The following CHIC2 variants were observed in gnomAD, a reference collection of about 807,000 sequenced individuals.
CHIC2 encodes the protein cysteine-rich hydrophobic domain-containing protein 2.
Under a neutral mutation model 25.9 loss-of-function variants are expected in CHIC2, and 14 were observed. The ratio of observed to expected loss-of-function variants is 0.54; its 90% CI spans 0.36 to 0.85. The LOEUF is 0.85. Among genes scored for constraint, CHIC2 ranks in the 40% least tolerant of loss-of-function variants. The pLI, the probability that CHIC2 is intolerant of heterozygous loss-of-function variation, is 0.01. For missense variants in CHIC2, 146 were observed against 202.0 expected (o/e 0.72, Z 1.68); for synonymous variants, 70 against 72.0 (o/e 0.97, Z 0.14).
At chr4:54,078,197 A>G in the CHIC2 span, among the ~76,000 whole-genome samples, 2 of 152,308 alleles carry the variant, frequency 1.3e-5, no homozygotes, top group Non-Finnish European at 1.5e-5. Context: ...ACCCTCATGT[A>G]TATGTGAGAT....
intron 3 of CHIC2, among the ~76,000 whole-genome samples, chr4:54,040,178 T>C (rs1013105848): frequency 6.6e-6 from 1 of 152,224 alleles, no homozygotes; most frequent in East Asian, 1.9e-4. Flanking sequence ...CAGAACTGTT[T>C]ATAAAAATTT....
chr4:54,047,438 G>A (rs1411554632), intron 3 of CHIC2, among the ~76,000 whole-genome samples: 2 of 152,052 alleles, frequency 1.3e-5, no homozygotes, highest in East Asian at 1.9e-4. Context: ...AGAAAATGTG[G>A]CACATATACA....
At chr4:54,068,992 C>G (rs1239890643), upstream of CHIC2, among the ~76,000 whole-genome samples, 1 of 152,200 alleles carries the variant, frequency 6.6e-6, no homozygotes, top group Non-Finnish European at 1.5e-5. Flanking sequence ...TATTTCATTT[C>G]ATTTCATTTC....
intron 3 of CHIC2, among the ~76,000 whole-genome samples, chr4:54,032,678 G>T (rs1248061948): frequency 6.6e-6 from 1 of 152,158 alleles, no homozygotes; most frequent in African/African-American, 2.4e-5. Flanking sequence ...AGCATAAGCT[G>T]CATGAATAAA....
the CHIC2 span, chr4:54,087,181 T>C: frequency 4.2e-6 from 3 of 719,676 alleles, no homozygotes; most frequent in Non-Finnish European, 7.6e-6. Flanking sequence ...GAAACAGATA[T>C]GGGGGCAGTA....
Position 54,064,550 on chromosome 4 carries a change from C to T in CHIC2, c.-250G>A, listed in dbSNP as rs913491991. 4.5e-6 allele frequency: 6 copies of T among 1,340,594 alleles called. No individual in the cohort carries two copies. In the African/African-American group the frequency reaches 7.7e-5, roughly 17 times the overall value. 83.0% of individuals were successfully genotyped at this position (1,340,594 alleles called of 1,614,324 possible). On this transcript the variant is annotated 5_prime_UTR_variant, in exon 1 of 6. In the 5' UTR this introduces an upstream ATG that the reference lacks. Transcript: ENST00000263921. The surrounding 1 kb of genome is among the most constrained non-coding windows in gnomAD (Gnocchi z 4.2). ...GTCAACATCCGCCCAGAGGCCGACACCTCCACAAGCACAGACGCCGCTGCC... is the reference window on the plus strand; with the variant it reads ...GTCAACATCCGCCCAGAGGCCGACATCTCCACAAGCACAGACGCCGCTGCC...
chr4:54,053,144 A>G (rs1717058733), intron 1 of CHIC2, among the ~76,000 whole-genome samples: 1 of 152,208 alleles, frequency 6.6e-6, no homozygotes. Flanking sequence ...CAATGGAGGA[A>G]AATGTTGAAG....
At chr4:54,016,229 ATTAC>A (rs565251845) in intron 3 of CHIC2, among the ~76,000 whole-genome samples, 4 of 152,144 alleles carry the variant, frequency 2.6e-5, no homozygotes, top group Admixed American at 6.6e-5. Flanking sequence ...GCAAATACTT[ATTAC>A]TTAAAGAAAA....
At chr4:54,086,710 C>T in the CHIC2 span, among the ~76,000 whole-genome samples, 1 of 152,176 alleles carries the variant, frequency 6.6e-6, no homozygotes, top group African/African-American at 2.4e-5. Flanking sequence ...TCTGGATTCT[C>T]ATTTCAGGTC....
intron 5 of CHIC2, among the ~76,000 whole-genome samples, chr4:54,013,426 G>A (rs942600053): frequency 6.6e-6 from 1 of 152,050 alleles, no homozygotes; most frequent in African/African-American, 2.4e-5. Flanking sequence ...AAAGGGTAAA[G>A]GTTTCTTAAG....
intron 3 of CHIC2, among the ~76,000 whole-genome samples, chr4:54,043,443 A>T (rs2110080276): frequency 6.6e-6 from 1 of 151,820 alleles, no homozygotes; most frequent in African/African-American, 2.4e-5. Context: ...AAAAAAAGAA[A>T]CACTTGATCA....
In CHIC2 at chr4:54,014,100, T is replaced by C; in HGVS notation, c.350A>G (p.Lys117Arg). Residue 117 changes from lysine to arginine, a missense_variant, in exon 4 of 6, where the codon AAG (lysine) becomes AGG (arginine). Physicochemically the swap from Lys to Arg is conservative, Grantham distance 26. Coordinates refer to ENST00000263921, the MANE Select transcript of CHIC2 (RefSeq NM_012110.4). The part of the protein sequence containing the change: ...LSKRTRRSIE[K>R]LLEWENNRLY... ...CCTATTGTTTTCCCATTCTAATAAC[T>C]TCTCAATCGATCTTCGTGTCTGGAA... is the stretch of plus-strand genomic sequence containing the variant. 1 of 1,613,344 alleles carries C rather than the reference T, an allele frequency of 6.2e-7. No individual in the cohort carries two copies. Among genetic ancestry groups the C allele is most frequent in the Non-Finnish European group, 8.5e-7 (1 of 1,179,524 alleles).
intron 3 of CHIC2, among the ~76,000 whole-genome samples, chr4:54,019,224 A>G (rs1440894169): frequency 6.7e-6 from 1 of 148,276 alleles, no homozygotes; most frequent in Non-Finnish European, 1.5e-5. Context: ...CTACGTGAAA[A>G]GCCTAGATTC....
intron 3 of CHIC2, among the ~76,000 whole-genome samples, chr4:54,014,920 G>C (rs1264211248): frequency 2.0e-5 from 3 of 152,030 alleles, no homozygotes; most frequent in South Asian, 4.1e-4. Flanking sequence ...TTGCAACTTG[G>C]TTCAGCTGCA....
intron 3 of CHIC2, among the ~76,000 whole-genome samples, chr4:54,030,535 A>ATAT (rs1206175820): frequency 7.1e-6 from 1 of 140,454 alleles, no homozygotes; most frequent in African/African-American, 2.8e-5. Context: ...AAAAAAAAAA[A>ATAT]AAATATATAT....
chr4:54,057,935 G>C (rs1717223851), intron 1 of CHIC2, among the ~76,000 whole-genome samples: 1 of 152,088 alleles, frequency 6.6e-6, no homozygotes, highest in East Asian at 1.9e-4. Flanking sequence ...TACAAAGACA[G>C]AAGAAAGCAA....
the CHIC2 span, among the ~76,000 whole-genome samples, chr4:54,071,676 T>C: frequency 6.6e-6 from 1 of 152,222 alleles, no homozygotes; most frequent in Non-Finnish European, 1.5e-5. Flanking sequence ...AATTAGTGCT[T>C]AATAAATATT....
At chr4:54,066,208 G>A (rs911814566), upstream of CHIC2, among the ~76,000 whole-genome samples, 2 of 152,156 alleles carry the variant, frequency 1.3e-5, no homozygotes, top group Non-Finnish European at 2.9e-5. Flanking sequence ...GCCACTTACT[G>A]TGTGACCCTA....
chr4:54,083,018 CTTTTTTTTTT>C, the CHIC2 span, among the ~76,000 whole-genome samples: 3 of 67,916 alleles, frequency 4.4e-5, no homozygotes, highest in African/African-American at 6.4e-5. Context: ...TTCTTTCTTT[CTTTTTTTTTT>C]TTTTTTTTTT....
Sources: gnomAD v4.1 joint callset for allele counts (sites outside exome capture counted in the v4.1 genomes callset) on GRCh38, gnomAD v4.1.1 for gene constraint, Gnocchi (gnomAD v3.1) non-coding constraint, MANE v1.5 for transcripts, NCBI Gene and HGNC (gene_info 2026-07-23, HGNC 2026-07-21) for gene names.